The following ARHGAP42 variants were observed in gnomAD, a reference collection of about 807,000 sequenced individuals.
ARHGAP42 encodes the protein rho GTPase-activating protein 42.
ARHGAP42 carries 63 observed loss-of-function variants against 125.0 expected under a neutral mutation model. The ratio of observed to expected loss-of-function variants is 0.50; its 90% CI spans 0.41 to 0.62. The LOEUF (loss-of-function observed/expected upper bound fraction) is 0.62, where lower values mean the gene tolerates loss of function less well. Among genes scored for constraint, ARHGAP42 ranks in the 20% least tolerant of loss-of-function variants. The probability of loss-of-function intolerance (pLI) is 0.00; values close to 1 mark genes in which losing one functional copy is unlikely to be tolerated. For missense variants in ARHGAP42, 766 were observed against 1,024.2 expected, an observed-to-expected ratio of 0.75 and a Z score of 3.44; for synonymous variants, 339 against 351.0, an observed-to-expected ratio of 0.97 and a Z score of 0.38.
intron 1 of ARHGAP42, among the ~76,000 whole-genome samples, chr11:100,744,835 C>T (rs1160965555): frequency 6.6e-6 from 1 of 152,038 alleles, no homozygotes. Context: ...ATAAAATTTT[C>T]TTTTTAATTC....
rs1304012807 is a variant in ARHGAP42, at chr11:100,921,578, A to C, written c.571A>C (p.Lys191Gln). 1 of 1,544,108 alleles carries C rather than the reference A, an allele frequency of 6.5e-7. No individual in the cohort carries two copies. The highest frequency in any genetic ancestry group is 8.7e-7 in the Non-Finnish European group (1 of 1,143,156). ...CTTTAAAATTCAAGAGGTCCAAGAA[A>C]AAAAGAAGTTTGAATTTGTTGAACC... Reference protein sequence around the residue: ...YVFKIQEVQEKKKFEFVEPLL... With the variant: ...YVFKIQEVQEQKKFEFVEPLL... Residue 191 changes from lysine (K) to glutamine (Q), a missense_variant, in exon 6 of 24, where the codon AAA (lysine) becomes CAA (glutamine). This residue lies in a region of ARHGAP42 where 455 missense variants were observed against 636.5 expected (regional missense o/e 0.71). Coordinates refer to ENST00000298815, the MANE Select transcript of ARHGAP42 (RefSeq NM_152432.4).
intron 1 of ARHGAP42, among the ~76,000 whole-genome samples, chr11:100,725,362 G>A (rs1315435701): frequency 6.6e-6 from 1 of 151,406 alleles, no homozygotes; most frequent in African/African-American, 2.4e-5. Flanking sequence ...GTAGAGATGG[G>A]GTTTCACCAT....
chr11:100,761,152 G>C (rs894371928), intron 1 of ARHGAP42, among the ~76,000 whole-genome samples: 1 of 152,166 alleles, frequency 6.6e-6, no homozygotes, highest in Non-Finnish European at 1.5e-5. Flanking sequence ...AGGTAAAGGA[G>C]ATACTTCAGA....
chr11:100,699,968 G>T (rs1217789286), intron 1 of ARHGAP42, among the ~76,000 whole-genome samples: 1 of 152,138 alleles, frequency 6.6e-6, no homozygotes, highest in East Asian at 1.9e-4. Context: ...TTGGCTTGTA[G>T]ATGTATCACT....
At chr11:100,864,687 C>G (rs1865525397) in intron 4 of ARHGAP42, among the ~76,000 whole-genome samples, 1 of 152,128 alleles carries the variant, frequency 6.6e-6, no homozygotes, top group Admixed American at 6.5e-5. Flanking sequence ...AACTCAGTTC[C>G]TCAGACCAGA....
chr11:100,748,338 A>T (rs1433021182), intron 1 of ARHGAP42, among the ~76,000 whole-genome samples: 1 of 151,954 alleles, frequency 6.6e-6, no homozygotes, highest in African/African-American at 2.4e-5. Context: ...TTTCCATATC[A>T]CTCTCTGAAT....
intron 4 of ARHGAP42, among the ~76,000 whole-genome samples, chr11:100,904,517 G>T (rs536010095): frequency 3.2e-4 from 49 of 152,228 alleles, no homozygotes; most frequent in South Asian, 8.3e-4. Context: ...AAAGTGCTGG[G>T]ATTATAGGCA....
intron 1 of ARHGAP42, among the ~76,000 whole-genome samples, chr11:100,768,097 T>C (rs1024139846): frequency 6.6e-6 from 1 of 152,168 alleles, no homozygotes; most frequent in African/African-American, 2.4e-5. Flanking sequence ...CCTGGCGTTA[T>C]GTCTAGGCAT....
intron 3 of ARHGAP42, among the ~76,000 whole-genome samples, chr11:100,837,053 A>G (rs1228353004): frequency 1.3e-5 from 2 of 152,064 alleles, no homozygotes; most frequent in East Asian, 1.9e-4. Context: ...AAATATTTAC[A>G]TTTTCTTTTG....
At chr11:100,761,984 G>A (rs997183557) in intron 1 of ARHGAP42, among the ~76,000 whole-genome samples, 1 of 152,206 alleles carries the variant, frequency 6.6e-6, no homozygotes, top group African/African-American at 2.4e-5. Context: ...GCAGTAAGTG[G>A]TGATCCCTGG....
intron 1 of ARHGAP42, among the ~76,000 whole-genome samples, chr11:100,735,908 G>A (rs1239621564): frequency 3.3e-5 from 5 of 152,060 alleles, no homozygotes; most frequent in East Asian, 1.9e-4. Context: ...GAGCTACCGC[G>A]CCCAGCAGAC....
chr11:100,973,059 C>A (rs1858294845), intron 17 of ARHGAP42, 116 bp from the exon 18 acceptor site: 3 of 928,474 alleles, frequency 3.2e-6, no homozygotes, highest in South Asian at 2.1e-5. Flanking sequence ...AAAAGTAGGA[C>A]AATTTCCCTA....
intron 12 of ARHGAP42, among the ~76,000 whole-genome samples, chr11:100,956,390 CTCTCAACATTG>C (rs1857805671): frequency 6.6e-6 from 1 of 152,140 alleles, no homozygotes; most frequent in Admixed American, 6.6e-5. Context: ...TCAGCAGTGA[CTCTCAACATTG>C]TTTTCACTCT....
In ARHGAP42 at chr11:100,974,573, A is replaced by G. The variant is rs1315591808; in HGVS notation, c.1825A>G (p.Arg609Gly). Residue 609 changes from arginine to glycine, a missense_variant, in exon 19 of 24, where the codon AGG (arginine) becomes GGG (glycine). Transcript: ENST00000298815. ...LSTGSRKPRG[R>G]YTPCLAEPDS... ...TACAGGGTCTAGGAAGCCCAGAGGG[A>G]GGTATACTCCATGCCTGGCCGAACC... is the stretch of plus-strand genomic sequence containing the variant. 1 of 1,550,942 alleles carries G rather than the reference A, an allele frequency of 6.4e-7. No individual in the cohort carries two copies. The highest frequency in any genetic ancestry group is 2.0e-5 in the Admixed American group (1 of 50,980).
intron 3 of ARHGAP42, among the ~76,000 whole-genome samples, chr11:100,811,314 G>T (rs1449784653): frequency 6.6e-6 from 1 of 152,164 alleles, no homozygotes; most frequent in Non-Finnish European, 1.5e-5. Flanking sequence ...ATTGGATACA[G>T]AACAACTCTG....
Position 100,992,138 on chromosome 11 carries a change from C to A in ARHGAP42, c.*3337C>A. ...AGAAGAGTCCCTCAGAGCTTTGCCT[C>A]AAGCAATTTCAAATTGTAGTGATAC... On this transcript the variant is annotated 3_prime_UTR_variant, in exon 24 of 24. Coordinates refer to ENST00000298815, the MANE Select transcript of ARHGAP42 (RefSeq NM_152432.4). The A allele has an allele frequency of 1.4e-6, 1 of 696,942 alleles. No individual in the cohort carries two copies. The highest frequency in any genetic ancestry group is 2.3e-6 in the Non-Finnish European group (1 of 432,422). The allele number at this position is 696,942 out of a possible 1,614,324, so 43.2% of individuals were successfully genotyped here. A position where few individuals can be genotyped will look rare whatever the true frequency, so the allele number is the denominator to read the frequency against.
chr11:100,911,865 C>G (rs2135229309), intron 4 of ARHGAP42, among the ~76,000 whole-genome samples: 1 of 152,262 alleles, frequency 6.6e-6, no homozygotes, highest in East Asian at 1.9e-4. Flanking sequence ...CACATTTTCT[C>G]CTTAGGTAAT....
At chr11:100,794,255 T>G (rs1240788894) in intron 2 of ARHGAP42, among the ~76,000 whole-genome samples, 1 of 152,198 alleles carries the variant, frequency 6.6e-6, no homozygotes, top group Non-Finnish European at 1.5e-5. Context: ...CCTATGCATT[T>G]TTAAAGAATA....
intron 4 of ARHGAP42, among the ~76,000 whole-genome samples, chr11:100,875,107 CTGTGTGTGTGTGTGTGTGTGTGTGTGTG>C (rs67247250): frequency 7.3e-5 from 6 of 82,354 alleles, no homozygotes; most frequent in African/African-American, 2.9e-4. Flanking sequence ...CTCTCTCTCT[CTGTGTGTGTGTGTGTGTGTGTGTGTGTG>C]TGTGTGTGTG....
Sources: gnomAD v4.1 joint callset for allele counts (sites outside exome capture counted in the v4.1 genomes callset) on GRCh38, gnomAD v4.1.1 for gene constraint, gnomAD v4.1.1 regional missense constraint, MANE v1.5 for transcripts, NCBI Gene and HGNC (gene_info 2026-07-23, HGNC 2026-07-21) for gene names.